ATP8A2: variants seen among roughly 807,000 people sequenced by gnomAD.
ATP8A2 encodes phospholipid-transporting ATPase IB.
ATP8A2 carries 100 observed loss-of-function variants against 165.6 expected under a neutral mutation model. That is an observed-to-expected ratio of 0.60 (90% CI 0.51 to 0.71). ATP8A2 has a LOEUF of 0.71. Among genes scored for constraint, ATP8A2 ranks in the 30% least tolerant of loss-of-function variants. The pLI, the probability that ATP8A2 is intolerant of heterozygous loss-of-function variation, is 0.00. For missense variants in ATP8A2, 1,227 were observed against 1,479.5 expected (o/e 0.83, Z 2.80); for synonymous variants, 543 against 548.8 (o/e 0.99, Z 0.15).
intron 25 of ATP8A2, among the ~76,000 whole-genome samples, chr13:25,753,680 T>C (rs898633872): frequency 6.6e-6 from 1 of 152,184 alleles, no homozygotes; most frequent in African/African-American, 2.4e-5. Context: ...AGCTTCTCTC[T>C]TGGAGATATT....
At chr13:25,480,531 A>C (rs562543133) in intron 2 of ATP8A2, among the ~76,000 whole-genome samples, 1 of 134,310 alleles carries the variant, frequency 7.4e-6, no homozygotes, top group African/African-American at 2.9e-5. Flanking sequence ...CGGCGGGGCA[A>C]AGGCGCTCCC....
chr13:25,545,078 G>A (rs2038604655), intron 10 of ATP8A2, among the ~76,000 whole-genome samples: 1 of 152,012 alleles, frequency 6.6e-6, no homozygotes, highest in Admixed American at 6.5e-5. Context: ...TCCTTGACTT[G>A]TGAGGCAAGG....
At chr13:25,903,636 G>A (rs575834751) in intron 33 of ATP8A2, among the ~76,000 whole-genome samples, 13 of 152,220 alleles carry the variant, frequency 8.5e-5, no homozygotes, top group African/African-American at 3.1e-4. Flanking sequence ...CGGTGGTCTC[G>A]TTATTCAACG....
chr13:25,480,116 G>C lies in ATP8A2; in HGVS notation c.221+10995G>C, dbSNP rs536125942. 4.1e-3 allele frequency among the ~76,000 whole-genome samples: 608 copies of C among 149,878 alleles called. 3 individuals carry two copies. The highest frequency in any genetic ancestry group is 4.4e-3 in the Non-Finnish European group (296 of 67,310). Reference sequence around the variant, plus strand: ...CCCGGACGGGGCGGCTGGCCGGGCGGGGGGCTGACCCCCCACCTCCCTCCC... The same window carrying C: ...CCCGGACGGGGCGGCTGGCCGGGCGCGGGGCTGACCCCCCACCTCCCTCCC... On this transcript the variant is annotated intron_variant, in intron 2 of 36. Coordinates refer to ENST00000381655, the MANE Select transcript of ATP8A2 (RefSeq NM_016529.6).
intron 1 of ATP8A2, among the ~76,000 whole-genome samples, chr13:25,419,515 T>C (rs954791794): frequency 1.3e-5 from 2 of 152,170 alleles, no homozygotes; most frequent in Non-Finnish European, 2.9e-5. Flanking sequence ...TTTTTTATGC[T>C]ATTTTTAGGC....
intron 1 of ATP8A2, among the ~76,000 whole-genome samples, chr13:25,375,480 T>C (rs1487431367): frequency 6.6e-6 from 1 of 152,208 alleles, no homozygotes; most frequent in Non-Finnish European, 1.5e-5. Flanking sequence ...GTGCTGTCTA[T>C]GGCAGAAGCT....
chr13:25,451,864 T>TTC (rs56154410), intron 1 of ATP8A2, among the ~76,000 whole-genome samples: 1 of 151,274 alleles, frequency 6.6e-6, no homozygotes, highest in Non-Finnish European at 1.5e-5. Flanking sequence ...TTTTTTTTTT[T>TTC]CTTTTTTTGA....
intron 35 of ATP8A2, among the ~76,000 whole-genome samples, chr13:25,985,652 G>C (rs1045196356): frequency 6.6e-6 from 1 of 152,170 alleles, no homozygotes; most frequent in Admixed American, 6.5e-5. Context: ...CGGGCCCATG[G>C]CCCCTGTGGA....
intron 24 of ATP8A2, among the ~76,000 whole-genome samples, chr13:25,686,327 G>C (rs1352647057): frequency 3.9e-5 from 6 of 152,216 alleles, no homozygotes; most frequent in Admixed American, 3.9e-4. Flanking sequence ...AGTGCTCCAA[G>C]GAGACCTCTG....
chr13:25,493,248 C>A (rs1246878341), intron 2 of ATP8A2, among the ~76,000 whole-genome samples: 1 of 152,128 alleles, frequency 6.6e-6, no homozygotes, highest in African/African-American at 2.4e-5. Context: ...GCCTTATGCT[C>A]ATTAATTATT....
intron 24 of ATP8A2, among the ~76,000 whole-genome samples, chr13:25,605,918 G>A (rs2040505294): frequency 6.6e-6 from 1 of 152,120 alleles, no homozygotes; most frequent in South Asian, 2.1e-4. Context: ...CTTCTTGAGT[G>A]GAGGTAATCT....
chr13:25,737,002 G>C (rs1262868508), intron 25 of ATP8A2, among the ~76,000 whole-genome samples: 1 of 152,208 alleles, frequency 6.6e-6, no homozygotes, highest in Admixed American at 6.5e-5. Context: ...CATAACCTGA[G>C]TGCAGAGATG....
intron 35 of ATP8A2, among the ~76,000 whole-genome samples, chr13:26,002,536 C>T (rs535633828): frequency 2.9e-4 from 43 of 150,532 alleles, no homozygotes; most frequent in Non-Finnish European, 4.9e-4. Flanking sequence ...GCAGGCTGTG[C>T]ACATGTACCC....
At chr13:25,399,234 T>C (rs1025664105) in intron 1 of ATP8A2, among the ~76,000 whole-genome samples, 2 of 152,084 alleles carry the variant, frequency 1.3e-5, no homozygotes, top group African/African-American at 4.8e-5. Context: ...TGCAGGTGGC[T>C]GTTTCCCACC....
intron 27 of ATP8A2, among the ~76,000 whole-genome samples, chr13:25,805,382 G>A (rs1282158513): frequency 6.6e-6 from 1 of 151,998 alleles, no homozygotes; most frequent in Non-Finnish European, 1.5e-5. Flanking sequence ...CAGGCATGGT[G>A]GTGCACACCT....
chr13:25,594,678 C>T (rs1223827415), intron 24 of ATP8A2, among the ~76,000 whole-genome samples: 1 of 152,062 alleles, frequency 6.6e-6, no homozygotes, highest in East Asian at 1.9e-4. Context: ...TTTGGTTTTC[C>T]ATTCCTGAGT....
At chr13:25,706,456 T>G (rs1011867635) in intron 25 of ATP8A2, among the ~76,000 whole-genome samples, 2 of 152,172 alleles carry the variant, frequency 1.3e-5, no homozygotes, top group Non-Finnish European at 2.9e-5. Context: ...CTTCCCCAGC[T>G]TAGCTTTTTT....
At chr13:25,554,044 G>A in intron 12 of ATP8A2, 124 bp downstream of exon 12, 2 of 1,065,758 alleles carry the variant, frequency 1.9e-6, no homozygotes, top group South Asian at 1.7e-5. Flanking sequence ...GGCTTAAACT[G>A]GCCATACAAA....
intron 24 of ATP8A2, among the ~76,000 whole-genome samples, chr13:25,687,727 A>G (rs972170926): frequency 3.9e-5 from 6 of 151,914 alleles, no homozygotes; most frequent in Non-Finnish European, 8.8e-5. Context: ...TCCTCTCACC[A>G]TTCACCGAGC....
Sources: allele counts gnomAD v4.1 joint callset (sites outside exome capture counted in the v4.1 genomes callset), GRCh38; gene constraint gnomAD v4.1.1; transcripts MANE v1.5; gene names NCBI Gene and HGNC (gene_info 2026-07-23, HGNC 2026-07-21).